Variants in ATRN observed in about 807,000 individuals in gnomAD.
The protein encoded by ATRN is attractin-2.
A neutral mutation model predicts 178.7 loss-of-function variants in ATRN; 54 were observed. The observed-to-expected ratio is 0.30, with a 90% CI of 0.24 to 0.38. The LOEUF is 0.38. ATRN is among the 10% of genes least tolerant of loss of function. ATRN has a pLI of 1.00. For missense variants in ATRN, 1,443 were observed against 1,815.1 expected, an observed-to-expected ratio of 0.79 and a Z score of 3.73; for synonymous variants, 636 against 663.0, an observed-to-expected ratio of 0.96 and a Z score of 0.63.
At position 3,591,293 on chromosome 20, in the gene ATRN, A is replaced by C; in HGVS notation, c.3309A>C (p.Gly1103=). 1 of 1,613,632 alleles carries C rather than the reference A, an allele frequency of 6.2e-7. No individual in the cohort carries two copies. Among genetic ancestry groups the C allele is most frequent in the East Asian group, 2.2e-5 (1 of 44,856 alleles). ...ISGFYGDPTN[G]GKCQPCKCNG... is the part of the protein sequence containing the mutation. ...GCTTCTACGGTGATCCCACCAATGG[A>C]GGGAAATGTCAGCGTAAGTCAAATT... The change falls in exon 19 of 29, where the codon GGA becomes GGC. Residue 1103 remains glycine (G), a synonymous_variant. Transcript: ENST00000262919.
At chr20:3,585,520 T>C (rs533110182) in intron 18 of ATRN, among the ~76,000 whole-genome samples, 1 of 152,348 alleles carries the variant, frequency 6.6e-6, no homozygotes, top group African/African-American at 2.4e-5. Context: ...CTGGATCAAA[T>C]TTTCCGTGTT....
rs758478407 is a variant in ATRN, at chr20:3,597,966, A to G, written c.3530A>G (p.Tyr1177Cys). The G allele has an allele frequency of 6.2e-7, 1 of 1,612,236 alleles. No individual in the cohort carries two copies. The highest frequency in any genetic ancestry group is 1.7e-5 in the Admixed American group (1 of 60,016). The change falls in exon 22 of 29, where the codon TAC (tyrosine) becomes TGC (cysteine). Residue 1177 changes from tyrosine to cysteine, a missense_variant. Tyr to Cys is a radical substitution (Grantham distance 194). Coordinates refer to ENST00000262919, the MANE Select transcript of ATRN (RefSeq NM_139321.3). ...FSLSQEDDRY[Y>C]TAINFVATPD... ...CTATCCCAGGAAGATGATCGCTATT[A>G]CACAGCTATCAATTTTGTGGCTACT...
At chr20:3,544,053 TCAAAACAAAG>T (rs1298931397) in intron 3 of ATRN, among the ~76,000 whole-genome samples, 3 of 152,140 alleles carry the variant, frequency 2.0e-5, no homozygotes, top group Non-Finnish European at 4.4e-5. Context: ...AGACCTTGTC[TCAAAACAAAG>T]CAAAACAAAA....
intron 5 of ATRN, among the ~76,000 whole-genome samples, chr20:3,548,616 A>C (rs1256293403): frequency 1.3e-5 from 2 of 151,800 alleles, no homozygotes; most frequent in Non-Finnish European, 2.9e-5. Context: ...AAAAAAAAAA[A>C]AAAAGATAAT....
intron 1 of ATRN, among the ~76,000 whole-genome samples, chr20:3,519,663 A>G (rs546852445): frequency 2.0e-5 from 3 of 152,342 alleles, no homozygotes; most frequent in African/African-American, 4.8e-5. Flanking sequence ...TGGGTGCACT[A>G]AAATCTCAGA....
intron 11 of ATRN, among the ~76,000 whole-genome samples, chr20:3,569,532 G>A (rs2086087020): frequency 6.6e-6 from 1 of 152,152 alleles, no homozygotes; most frequent in South Asian, 2.1e-4. Flanking sequence ...CTGTGAGTGA[G>A]TAGACTGTAC....
intron 1 of ATRN, among the ~76,000 whole-genome samples, chr20:3,516,810 A>G (rs893214327): frequency 4.6e-5 from 7 of 152,120 alleles, no homozygotes; most frequent in Non-Finnish European, 1.0e-4. Context: ...TGCAAAGGAC[A>G]TGAACTCATC....
Position 3,572,920 on chromosome 20 carries a change from A to G in ATRN, c.2061A>G (p.Glu687=). 1 of 1,614,080 alleles carries G rather than the reference A, an allele frequency of 6.2e-7. No homozygotes were observed. The change falls in exon 12 of 29, where the codon GAA becomes GAG. Residue 687 remains glutamate (E), a synonymous_variant. Transcript: ENST00000262919. ...CGCTGGCAACTGATGAACAAGAAGA[A>G]AAGTTAAAATCAGAATGTTTTTCCA... is the stretch of plus-strand genomic sequence containing the variant. ...SWALATDEQE[E]KLKSECFSKR...
chr20:3,544,547 T>G (rs1192730661), intron 3 of ATRN, among the ~76,000 whole-genome samples: 1 of 151,988 alleles, frequency 6.6e-6, no homozygotes, highest in African/African-American at 2.4e-5. Flanking sequence ...GCAAAAATCA[T>G]GGACATATGA....
chr20:3,617,846 C>T (rs1468123374), intron 24 of ATRN, among the ~76,000 whole-genome samples: 6 of 152,098 alleles, frequency 3.9e-5, no homozygotes, highest in Non-Finnish European at 5.9e-5. Context: ...CAGCATTGTA[C>T]GGGGGTTTTA....
At chr20:3,598,423 G>A (rs2086561744) in intron 22 of ATRN, among the ~76,000 whole-genome samples, 1 of 152,170 alleles carries the variant, frequency 6.6e-6, no homozygotes, top group Non-Finnish European at 1.5e-5. Context: ...CAATCAGACA[G>A]CAAGGGAGGG....
At chr20:3,644,656 C>A (rs1204907743) in intron 28 of ATRN, among the ~76,000 whole-genome samples, 1 of 152,206 alleles carries the variant, frequency 6.6e-6, no homozygotes, top group Non-Finnish European at 1.5e-5. Context: ...CCTGCATGTT[C>A]TTCCTCAGTT....
chr20:3,486,882 AG>A (rs1234107393), intron 1 of ATRN, among the ~76,000 whole-genome samples: 2 of 152,192 alleles, frequency 1.3e-5, no homozygotes, highest in Non-Finnish European at 2.9e-5. Flanking sequence ...GGAAATTCTC[AG>A]GTATTATCTT....
At chr20:3,491,622 A>T (rs185121163) in intron 1 of ATRN, among the ~76,000 whole-genome samples, 2 of 152,294 alleles carry the variant, frequency 1.3e-5, no homozygotes, top group East Asian at 3.9e-4. Context: ...GAATACTGTA[A>T]CATTGAACTT....
intron 13 of ATRN, 72 bp from the exon 14 acceptor site, chr20:3,576,787 A>G: frequency 1.9e-6 from 3 of 1,540,290 alleles, no homozygotes; most frequent in Non-Finnish European, 2.7e-6. Context: ...GTTGTCTATA[A>G]TATCCTGTTG....
chr20:3,475,303 C>T (rs1230891935), intron 1 of ATRN, among the ~76,000 whole-genome samples: 2 of 151,994 alleles, frequency 1.3e-5, no homozygotes, highest in Non-Finnish European at 2.9e-5. Context: ...AGTGGATTTC[C>T]CTAAGGTTAT....
chr20:3,610,315 A>G (rs959278268), intron 24 of ATRN, among the ~76,000 whole-genome samples: 19 of 152,204 alleles, frequency 1.2e-4, no homozygotes, highest in African/African-American at 4.1e-4. Flanking sequence ...AGTAATCAAG[A>G]CATTGTTTCA....
At chr20:3,491,100 GTATTT>G in intron 1 of ATRN, 1 of 633,096 alleles carries the variant, frequency 1.6e-6, no homozygotes. Flanking sequence ...CTTTCCTAAA[GTATTT>G]TATTGATTCT....
chr20:3,616,457 A>G (rs1297359056), intron 24 of ATRN, among the ~76,000 whole-genome samples: 1 of 151,172 alleles, frequency 6.6e-6, no homozygotes, highest in Non-Finnish European at 1.5e-5. Context: ...GTTAAGAGAG[A>G]TCACACCAGA....
Sources: allele counts gnomAD v4.1 joint callset (sites outside exome capture counted in the v4.1 genomes callset), GRCh38; gene constraint gnomAD v4.1.1; transcripts MANE v1.5; gene names NCBI Gene and HGNC (gene_info 2026-07-23, HGNC 2026-07-21).